Variants in EBF1 observed in about 807,000 individuals in gnomAD.
EBF1 encodes the protein transcription factor COE1.
In EBF1, 10 loss-of-function variants were observed where a neutral mutation model predicts 68.4. That is an observed-to-expected ratio of 0.15 (90% CI 0.09 to 0.25). The LOEUF is 0.25. Among genes scored for constraint, EBF1 ranks in the 10% least tolerant of loss-of-function variants. The pLI is 1.00. For synonymous variants in EBF1, 298 were observed against 299.8 expected, an observed-to-expected ratio of 0.99 and a Z score of 0.06; for missense variants, 509 against 794.4, an observed-to-expected ratio of 0.64 and a Z score of 4.32.
intron 10 of EBF1, among the ~76,000 whole-genome samples, chr5:158,738,906 G>A (rs2127564920): frequency 6.6e-6 from 1 of 152,268 alleles, no homozygotes; most frequent in South Asian, 2.1e-4. Flanking sequence ...AGGAATCTCT[G>A]TGCCTAGGCT....
At position 158,742,020 on chromosome 5, in the gene EBF1, T is replaced by C. The variant is rs1196373060; in HGVS notation, c.1037-10863A>G. On this transcript the variant is annotated intron_variant, in intron 10 of 15. Transcript: ENST00000313708. ...ACTTTGCCTAAATCCACCGAGCTAA[T>C]GAAAGTAGGGGCTGGGATTCAAACC... Among the ~76,000 whole-genome samples the C allele has an allele frequency of 4.6e-5, 7 of 152,126 alleles. No homozygotes were observed. The East Asian group carries it at 1.3e-3, about 29-fold the overall frequency.
intron 6 of EBF1, among the ~76,000 whole-genome samples, chr5:158,927,578 T>A (rs992460364): frequency 6.6e-6 from 1 of 152,232 alleles, no homozygotes; most frequent in Non-Finnish European, 1.5e-5. Flanking sequence ...AAAGGCCTTT[T>A]TCACATCAAT....
chr5:158,901,401 G>A (rs917057994), intron 6 of EBF1, among the ~76,000 whole-genome samples: 5 of 152,180 alleles, frequency 3.3e-5, no homozygotes, highest in African/African-American at 7.2e-5. Context: ...GATAGTGTTT[G>A]TCTTGTTCTT....
At chr5:158,755,551 T>C (rs754201865) in intron 10 of EBF1, among the ~76,000 whole-genome samples, 1 of 152,182 alleles carries the variant, frequency 6.6e-6, no homozygotes, top group African/African-American at 2.4e-5. Flanking sequence ...ACTTCTACTT[T>C]AGGAAGTTCA....
intron 6 of EBF1, among the ~76,000 whole-genome samples, chr5:159,043,489 C>T (rs994508381): frequency 4.6e-5 from 7 of 152,160 alleles, no homozygotes; most frequent in African/African-American, 7.2e-5. Flanking sequence ...CAACAGTCTT[C>T]GCTTGGTACA....
intron 6 of EBF1, among the ~76,000 whole-genome samples, chr5:158,979,666 T>A (rs1035794554): frequency 2.9e-5 from 4 of 138,948 alleles, no homozygotes; most frequent in Non-Finnish European, 5.0e-5. Flanking sequence ...TAACAATGCA[T>A]GAAATTTTTA....
At chr5:159,087,084 G>A (rs1018563211) in intron 4 of EBF1, among the ~76,000 whole-genome samples, 7 of 151,650 alleles carry the variant, frequency 4.6e-5, no homozygotes, top group Admixed American at 4.6e-4. Flanking sequence ...AATCCTATTA[G>A]TACTACATGG....
rs138940526 is a variant in EBF1, at chr5:158,904,329, C to A, written c.555-64219G>T. Among the ~76,000 whole-genome samples the A allele has an allele frequency of 3.3e-5, 5 of 152,346 alleles. No individual in the cohort carries two copies. The East Asian group carries it at 9.6e-4, about 29-fold the overall frequency. ...ATCCCAGCAGACAGCAAGTTCCCAG[C>A]CACGTGTGCTGCCACCTTTGCCTCT... is the stretch of plus-strand genomic sequence containing the variant. On this transcript the variant is annotated intron_variant, in intron 6 of 15. Transcript: ENST00000313708.
chr5:159,050,172 C>CT lies in EBF1; in HGVS notation c.554+23223dup, dbSNP rs1192446777. 2.8e-3 allele frequency among the ~76,000 whole-genome samples: 419 copies of CT among 149,232 alleles called. 1 individual carries two copies. The highest frequency in any genetic ancestry group is 7.5e-3 in the African/African-American group (298 of 39,936). On this transcript the variant is annotated intron_variant, in intron 6 of 15. Coordinates refer to ENST00000313708, the MANE Select transcript of EBF1 (RefSeq NM_024007.5). Reference sequence around the variant, plus strand: ...TCTCTTTCTCTCTCTCTCTCTCTCTCTCTCTCTCTTCTCTCTTTTCTCTCT... The same window carrying CT: ...TCTCTTTCTCTCTCTCTCTCTCTCTCTTCTCTCTCTTCTCTCTTTTCTCTCT...
chr5:159,007,205 T>C (rs978188973), intron 6 of EBF1, among the ~76,000 whole-genome samples: 12 of 151,686 alleles, frequency 7.9e-5, no homozygotes, highest in Non-Finnish European at 5.9e-5. Flanking sequence ...CTCAGATGAA[T>C]TAAAGGAACA....
intron 6 of EBF1, among the ~76,000 whole-genome samples, chr5:158,840,645 GTTTTTTTTTTTTTTTTT>G (rs534374216): frequency 6.6e-4 from 43 of 64,818 alleles, no homozygotes; most frequent in African/African-American, 2.3e-3. Context: ...AATACCTCCT[GTTTTTTTTTTTTTTTTT>G]TTTTTTTTTT....
chr5:158,830,738 T>G (rs1374646568), intron 7 of EBF1, among the ~76,000 whole-genome samples: 1 of 152,262 alleles, frequency 6.6e-6, no homozygotes, highest in African/African-American at 2.4e-5. Flanking sequence ...TAAAATATCC[T>G]TGGCTGATAT....
At chr5:158,764,172 A>C (rs956987155) in intron 10 of EBF1, among the ~76,000 whole-genome samples, 2 of 152,206 alleles carry the variant, frequency 1.3e-5, no homozygotes, top group African/African-American at 4.8e-5. Context: ...CCAGGATTCA[A>C]ACTGGGATCT....
At chr5:158,708,234 G>C in intron 14 of EBF1, 61 bp from the exon 15 acceptor site, 1 of 1,506,900 alleles carries the variant, frequency 6.6e-7, no homozygotes, top group Non-Finnish European at 9.0e-7. Context: ...AAGCAAAGAA[G>C]CTCAGATCCA....
intron 6 of EBF1, among the ~76,000 whole-genome samples, chr5:158,977,075 A>G (rs1403048811): frequency 1.3e-5 from 2 of 152,166 alleles, no homozygotes; most frequent in African/African-American, 4.8e-5. Context: ...TCTTGTTGGG[A>G]AATTTCAAAC....
intron 6 of EBF1, among the ~76,000 whole-genome samples, chr5:158,856,310 G>A (rs1475027190): frequency 6.6e-6 from 1 of 152,300 alleles, no homozygotes; most frequent in South Asian, 2.1e-4. Flanking sequence ...CCTGAACGCT[G>A]AGAGTGTTTT....
intron 11 of EBF1, among the ~76,000 whole-genome samples, chr5:158,728,417 CA>C (rs1763433762): frequency 6.6e-6 from 1 of 152,242 alleles, no homozygotes; most frequent in Non-Finnish European, 1.5e-5. Flanking sequence ...ATTTGTTCAA[CA>C]TTTCTGAACA....
intron 5 of EBF1, among the ~76,000 whole-genome samples, chr5:159,078,596 G>C (rs1302906656): frequency 6.6e-6 from 1 of 152,140 alleles, no homozygotes; most frequent in African/African-American, 2.4e-5. Flanking sequence ...ATCTTGCAAG[G>C]CTTGGAGTTT....
chr5:158,786,744 A>C (rs1257157762), intron 9 of EBF1, among the ~76,000 whole-genome samples: 1 of 152,196 alleles, frequency 6.6e-6, no homozygotes, highest in Non-Finnish European at 1.5e-5. Context: ...AGGAAAAGGA[A>C]ATCAGAATGC....
Sources: allele counts gnomAD v4.1 joint callset (sites outside exome capture counted in the v4.1 genomes callset), GRCh38; gene constraint gnomAD v4.1.1; transcripts MANE v1.5; gene names NCBI Gene and HGNC (gene_info 2026-07-23, HGNC 2026-07-21).